DNAH9: variants seen among roughly 807,000 people sequenced by gnomAD.
DNAH9 encodes DNAH9 variant protein.
Under a neutral mutation model 471.6 loss-of-function variants are expected in DNAH9, and 345 were observed. The ratio of observed to expected loss-of-function variants is 0.73; its 90% CI spans 0.67 to 0.80. The LOEUF is 0.80. Ranked by LOEUF, DNAH9 falls within the 30% of genes least tolerant of loss-of-function variation. DNAH9 has a pLI of 0.00. For missense variants in DNAH9, 5,407 were observed against 5,609.2 expected, an observed-to-expected ratio of 0.96 and a Z score of 1.15; for synonymous variants, 2,093 against 2,123.6, an observed-to-expected ratio of 0.99 and a Z score of 0.40.
Position 11,931,866 on chromosome 17 carries a change from C to T in DNAH9, c.12106-148C>T, listed in dbSNP as rs1974522131. On this transcript the variant is annotated intron_variant, in intron 63 of 68. Transcript: ENST00000262442. ...CTAACCTGACCCTTCCACACGTTCC[C>T]CCCAGGCTGTAGTCTCGCTGTAACT... The T allele has an allele frequency of 4.7e-6, 4 of 842,646 alleles. No individual in the cohort carries two copies. In the South Asian group the frequency reaches 6.5e-5, roughly 14 times the overall value. The allele number at this position is 842,646 out of a possible 1,614,324, so 52.2% of individuals were successfully genotyped here.
chr17:11,622,410 C>T (rs572375700), intron 6 of DNAH9, among the ~76,000 whole-genome samples: 1 of 152,274 alleles, frequency 6.6e-6, no homozygotes, highest in South Asian at 2.1e-4. Context: ...TACAGCCCTT[C>T]ACTCCTCCTG....
At chr17:11,773,829 C>T (rs1395365534) in intron 38 of DNAH9, among the ~76,000 whole-genome samples, 1 of 152,204 alleles carries the variant, frequency 6.6e-6, no homozygotes, top group Non-Finnish European at 1.5e-5. Context: ...GGAACTTAGC[C>T]TTATGAGTGC....
chr17:11,862,957 C>T (rs1971914411), intron 50 of DNAH9, among the ~76,000 whole-genome samples: 1 of 151,860 alleles, frequency 6.6e-6, no homozygotes, highest in South Asian at 2.1e-4. Flanking sequence ...ACAATCATGT[C>T]GTCTGCAAAC....
rs11078030 is a variant in DNAH9, at chr17:11,757,405, G to T, written c.6848-140G>T. On this transcript the variant is annotated intron_variant, in intron 34 of 68. Transcript: ENST00000262442. ...TCCTCAATAGCAAACCCATTTACCC[G>T]CTCACATCTTGGCCAAATCTCCTTT... The T allele has an allele frequency of 0.97, 714,352 of 739,014 alleles. 346,175 individuals are homozygous for T. Among genetic ancestry groups the T allele is most frequent in the Non-Finnish European group, 0.99 (450,371 of 456,496 alleles). 45.8% of individuals were successfully genotyped at this position (739,014 alleles called of 1,614,324 possible).
At chr17:11,905,232 CAAAAA>C (rs34723706) in intron 60 of DNAH9, among the ~76,000 whole-genome samples, 1 of 137,368 alleles carries the variant, frequency 7.3e-6, no homozygotes, top group Non-Finnish European at 1.5e-5. Context: ...GAATCCATCT[CAAAAA>C]AAAAAAAAAG....
At chr17:11,896,657 G>A (rs1471985129) in intron 59 of DNAH9, among the ~76,000 whole-genome samples, 1 of 151,930 alleles carries the variant, frequency 6.6e-6, no homozygotes, top group Non-Finnish European at 1.5e-5. Context: ...GCAGAGAAGT[G>A]GAAACCATCC....
At chr17:11,818,987 C>T (rs1360493385) in intron 45 of DNAH9, among the ~76,000 whole-genome samples, 2 of 151,668 alleles carry the variant, frequency 1.3e-5, no homozygotes, top group Non-Finnish European at 2.9e-5. Flanking sequence ...GCTAGGAGCC[C>T]GCCCCTACTT....
chr17:11,627,717 C>T (rs1006861891), intron 6 of DNAH9, among the ~76,000 whole-genome samples: 1 of 152,182 alleles, frequency 6.6e-6, no homozygotes, highest in East Asian at 1.9e-4. Flanking sequence ...CTGGTGTCTT[C>T]CCTCTTCTCT....
chr17:11,749,350 C>T (rs1470487601), intron 32 of DNAH9, among the ~76,000 whole-genome samples: 1 of 152,070 alleles, frequency 6.6e-6, no homozygotes, highest in Non-Finnish European at 1.5e-5. Context: ...TCCCAAAGTT[C>T]TGGGATTACA....
intron 45 of DNAH9, 105 bp downstream of exon 45, chr17:11,810,474 A>G (rs1969854239): frequency 1.4e-6 from 2 of 1,435,410 alleles, no homozygotes; most frequent in South Asian, 1.5e-5. Flanking sequence ...GGTCATAGTA[A>G]TGAGGAAGAA....
chr17:11,672,221 C>T (rs1278474139), intron 17 of DNAH9, among the ~76,000 whole-genome samples: 1 of 152,164 alleles, frequency 6.6e-6, no homozygotes, highest in African/African-American at 2.4e-5. Flanking sequence ...TTCAGCTCTT[C>T]CTGCCCTAAT....
At chr17:11,837,394 C>T (rs1970883935) in intron 49 of DNAH9, among the ~76,000 whole-genome samples, 1 of 152,114 alleles carries the variant, frequency 6.6e-6, no homozygotes, top group African/African-American at 2.4e-5. Context: ...GTTTCTTTTC[C>T]CTAGTATTAG....
At chr17:11,807,494 T>A (rs568492244) in intron 43 of DNAH9, among the ~76,000 whole-genome samples, 2 of 152,152 alleles carry the variant, frequency 1.3e-5, no homozygotes, top group South Asian at 4.2e-4. Context: ...TTCCATGGGC[T>A]CCCCCAGGCT....
Position 11,894,510 on chromosome 17 carries a change from C to T in DNAH9, c.11406+14C>T. 1 of 1,606,314 alleles carries T rather than the reference C, an allele frequency of 6.2e-7. No homozygotes were observed. Among genetic ancestry groups the T allele is most frequent in the Non-Finnish European group, 8.5e-7 (1 of 1,174,512 alleles). On this transcript the variant is annotated intron_variant, in intron 59 of 68. Transcript: ENST00000262442. ...GGAGCTGTCAAGGTCAGTATTGACC[C>T]CTAGAAAAAAGCCAAGCTCTCATCT...
rs141904575 is a variant in DNAH9, at chr17:11,876,928, A to G, written c.10478+1744A>G. 8.0e-3 allele frequency among the ~76,000 whole-genome samples: 1,205 copies of G among 151,466 alleles called. 13 individuals are homozygous for G. The highest frequency in any genetic ancestry group is 0.028 in the African/African-American group (1,163 of 41,306). On this transcript the variant is annotated intron_variant, in intron 53 of 68. Transcript: ENST00000262442. ...TTTTTAGTAGAGACCGGGTTTCACT[A>G]TGTTGGCCAGGCTGGTCTCGCACTC...
intron 15 of DNAH9, among the ~76,000 whole-genome samples, chr17:11,666,723 G>C (rs1456949098): frequency 6.6e-6 from 1 of 152,120 alleles, no homozygotes; most frequent in Non-Finnish European, 1.5e-5. Context: ...TTACCATTTT[G>C]TCTGGTCAAA....
Position 11,871,709 on chromosome 17 carries a change from T to C in DNAH9, c.10165T>C (p.Tyr3389His). The C allele has an allele frequency of 3.1e-6, 5 of 1,614,232 alleles. No individual in the cohort carries two copies. The South Asian group carries it at 5.5e-5, about 18-fold the overall frequency. The change falls in exon 52 of 69, where the codon TAC (tyrosine) becomes CAC (histidine). Residue 3389 changes from tyrosine to histidine, a missense_variant. This residue lies in a region of DNAH9 where 4,636 missense variants were observed against 4,900.3 expected (regional missense o/e 0.95). Coordinates refer to ENST00000262442, the MANE Select transcript of DNAH9 (RefSeq NM_001372.4). ...TTTACTTATAACGGCTTTCATTTCC[T>C]ACCTTGGCTTCTTCACAAAGAAATA... The part of the protein sequence containing the change: ...DILLITAFIS[Y>H]LGFFTKKYRQ...
chr17:11,875,362 T>C (rs757564263), intron 53 of DNAH9, among the ~76,000 whole-genome samples, 178 bp downstream of exon 53: 1 of 152,100 alleles, frequency 6.6e-6, no homozygotes, highest in Non-Finnish European at 1.5e-5. Flanking sequence ...GGGTACTAAG[T>C]CTTTGCTTTT....
chr17:11,696,432 T>C (rs189843826), intron 22 of DNAH9, among the ~76,000 whole-genome samples: 68 of 152,298 alleles, frequency 4.5e-4, no homozygotes, highest in African/African-American at 1.5e-3. Flanking sequence ...TTGGACTTTG[T>C]ATTGTTGGCC....
Sources: gnomAD v4.1 joint callset for allele counts (sites outside exome capture counted in the v4.1 genomes callset) on GRCh38, gnomAD v4.1.1 for gene constraint, gnomAD v4.1.1 regional missense constraint, MANE v1.5 for transcripts, NCBI Gene and HGNC (gene_info 2026-07-23, HGNC 2026-07-21) for gene names.